The following LRP1B variants were observed in gnomAD, a reference collection of about 807,000 sequenced individuals.
LRP1B encodes the protein low-density lipoprotein receptor-related protein 1B.
LRP1B carries 217 observed loss-of-function variants against 556.6 expected under a neutral mutation model. The observed-to-expected ratio is 0.39, with a 90% CI of 0.35 to 0.44. LRP1B has a LOEUF of 0.44. Among genes scored for constraint, LRP1B ranks in the 20% least tolerant of loss-of-function variants. The pLI, the probability that LRP1B is intolerant of heterozygous loss-of-function variation, is 1.00. For synonymous variants in LRP1B, 2,047 were observed against 1,865.8 expected (o/e 1.10, Z -2.50); for missense variants, 5,053 against 5,620.8 (o/e 0.90, Z 3.23).
intron 84 of LRP1B, among the ~76,000 whole-genome samples, chr2:140,292,422 C>T (rs1345236386): frequency 6.6e-6 from 1 of 152,096 alleles, no homozygotes; most frequent in East Asian, 1.9e-4. Context: ...TGAAGGCTTT[C>T]CCTTTGCATA....
At chr2:141,287,282 A>G (rs1685756052) in intron 3 of LRP1B, among the ~76,000 whole-genome samples, 1 of 151,578 alleles carries the variant, frequency 6.6e-6, no homozygotes, top group Non-Finnish European at 1.5e-5. Flanking sequence ...CCTAAGGGAG[A>G]ATATAGGGCA....
intron 3 of LRP1B, among the ~76,000 whole-genome samples, chr2:141,278,592 G>A (rs189875291): frequency 6.6e-6 from 1 of 152,214 alleles, no homozygotes; most frequent in Non-Finnish European, 1.5e-5. Context: ...GTAACACTAT[G>A]GCTAAAATGA....
intron 41 of LRP1B, among the ~76,000 whole-genome samples, chr2:140,672,724 C>T (rs939251258): frequency 2.6e-5 from 4 of 152,032 alleles, no homozygotes; most frequent in African/African-American, 9.7e-5. Context: ...TCTTTTATTT[C>T]CTCCTCTCTC....
chr2:141,205,693 T>C (rs1420443761), intron 6 of LRP1B, among the ~76,000 whole-genome samples: 1 of 150,926 alleles, frequency 6.6e-6, no homozygotes, highest in Non-Finnish European at 1.5e-5. Context: ...ATACTCAAGC[T>C]GTAAAACAGT....
chr2:141,010,254 T>C (rs978116712), intron 14 of LRP1B, among the ~76,000 whole-genome samples: 7 of 152,042 alleles, frequency 4.6e-5, no homozygotes, highest in African/African-American at 1.7e-4. Flanking sequence ...GGAAAGTCTG[T>C]TATTTTACAC....
intron 2 of LRP1B, among the ~76,000 whole-genome samples, chr2:141,728,942 A>AG (rs1157801024): frequency 1.3e-5 from 2 of 151,916 alleles, no homozygotes; most frequent in Non-Finnish European, 2.9e-5. Flanking sequence ...CTAGGTGGAG[A>AG]GGGGGGTGCC....
intron 1 of LRP1B, among the ~76,000 whole-genome samples, chr2:142,125,646 A>T (rs888887983): frequency 6.6e-6 from 1 of 151,850 alleles, no homozygotes; most frequent in Non-Finnish European, 1.5e-5. Context: ...CCCAAGGCCT[A>T]TAGACTATAC....
At chr2:141,074,964 T>C (rs1478743496) in intron 7 of LRP1B, among the ~76,000 whole-genome samples, 2 of 152,146 alleles carry the variant, frequency 1.3e-5, no homozygotes, top group Non-Finnish European at 2.9e-5. Context: ...CTAGCCAATT[T>C]TCATCTTTAA....
chr2:140,712,261 T>G (rs1479626333), intron 37 of LRP1B, among the ~76,000 whole-genome samples: 1 of 152,144 alleles, frequency 6.6e-6, no homozygotes, highest in Non-Finnish European at 1.5e-5. Context: ...GTTTAGACTC[T>G]AGAGTCCCTC....
intron 16 of LRP1B, among the ~76,000 whole-genome samples, chr2:140,993,495 A>G (rs1327241961): frequency 6.6e-6 from 1 of 152,040 alleles, no homozygotes; most frequent in Non-Finnish European, 1.5e-5. Context: ...GAGTGCCCAT[A>G]TGTGTTTTCT....
At chr2:141,072,447 TG>T (rs1369068362) in intron 7 of LRP1B, among the ~76,000 whole-genome samples, 2 of 152,094 alleles carry the variant, frequency 1.3e-5, no homozygotes, top group Non-Finnish European at 2.9e-5. Flanking sequence ...TGGCCTCCTC[TG>T]TGCCTATGAC....
At chr2:141,602,985 T>C (rs1687802608) in intron 2 of LRP1B, among the ~76,000 whole-genome samples, 1 of 152,216 alleles carries the variant, frequency 6.6e-6, no homozygotes, top group Admixed American at 6.5e-5. Flanking sequence ...TTAAAATGCA[T>C]TGTTAAATTG....
intron 2 of LRP1B, among the ~76,000 whole-genome samples, chr2:141,631,684 G>T (rs1245561066): frequency 1.3e-5 from 2 of 151,816 alleles, no homozygotes; most frequent in African/African-American, 4.8e-5. Flanking sequence ...CCGTGTTTTT[G>T]TTCCTTGTTT....
chr2:140,247,816 A>G (rs1022820383), intron 86 of LRP1B, among the ~76,000 whole-genome samples: 3 of 151,682 alleles, frequency 2.0e-5, no homozygotes, highest in African/African-American at 7.2e-5. Flanking sequence ...ATTAAAAGCC[A>G]TTATTTAAAC....
intron 1 of LRP1B, among the ~76,000 whole-genome samples, chr2:141,819,614 G>T (rs1696689490): frequency 6.6e-6 from 1 of 152,172 alleles, no homozygotes; most frequent in Non-Finnish European, 1.5e-5. Context: ...GGACAGGAGG[G>T]ATAGGAAGAA....
rs181506957 is a variant in LRP1B, at chr2:141,865,415, A to G, written c.83-55014T>C. 4.5e-3 allele frequency among the ~76,000 whole-genome samples: 675 copies of G among 151,160 alleles called. 5 individuals are homozygous for G. The highest frequency in any genetic ancestry group is 0.016 in the African/African-American group (651 of 41,220). Reference sequence around the variant, plus strand: ...AGACCATCCCGGCTAAAACGGTGAAACCCCGTCTCTACTAAAAATACAAAA... The same window carrying G: ...AGACCATCCCGGCTAAAACGGTGAAGCCCCGTCTCTACTAAAAATACAAAA... On this transcript the variant is annotated intron_variant, in intron 1 of 90. Coordinates refer to ENST00000389484, the MANE Select transcript of LRP1B (RefSeq NM_018557.3).
intron 3 of LRP1B, among the ~76,000 whole-genome samples, chr2:141,461,071 T>A (rs1381997883): frequency 6.6e-6 from 1 of 151,592 alleles, no homozygotes; most frequent in Admixed American, 6.6e-5. Context: ...ACATAGATGA[T>A]CTTTAAAGCC....
chr2:140,800,314 G>C (rs1440690047), intron 32 of LRP1B, among the ~76,000 whole-genome samples: 1 of 151,928 alleles, frequency 6.6e-6, no homozygotes, highest in Non-Finnish European at 1.5e-5. Flanking sequence ...GAGTAAATGG[G>C]TACAGCACAC....
intron 31 of LRP1B, among the ~76,000 whole-genome samples, chr2:140,826,254 A>G (rs185578935): frequency 1.3e-4 from 20 of 152,318 alleles, no homozygotes; most frequent in Non-Finnish European, 2.5e-4. Context: ...AACATTGACA[A>G]GGGAAAAAAA....
Sources: allele counts gnomAD v4.1 joint callset (sites outside exome capture counted in the v4.1 genomes callset), GRCh38; gene constraint gnomAD v4.1.1; transcripts MANE v1.5; gene names NCBI Gene and HGNC (gene_info 2026-07-23, HGNC 2026-07-21).